Variants in MAN2A1 observed in about 807,000 individuals in gnomAD.
The protein encoded by MAN2A1 is alpha-mannosidase 2.
In MAN2A1, 76 loss-of-function variants were observed where a neutral mutation model predicts 142.6. That is an observed-to-expected ratio of 0.53 (90% CI 0.44 to 0.65). The LOEUF (loss-of-function observed/expected upper bound fraction) is 0.65. Ranked by LOEUF, MAN2A1 falls within the 30% of genes least tolerant of loss-of-function variation. The pLI is 0.00. For synonymous variants in MAN2A1, 559 were observed against 473.2 expected, an observed-to-expected ratio of 1.18 and a Z score of -2.35; for missense variants, 1,311 against 1,365.1, an observed-to-expected ratio of 0.96 and a Z score of 0.62.
intron 1 of MAN2A1, among the ~76,000 whole-genome samples, chr5:109,711,728 C>T (rs1459790308): frequency 2.0e-5 from 3 of 152,184 alleles, no homozygotes; most frequent in Non-Finnish European, 4.4e-5. Context: ...TGTGTGCTCC[C>T]TCTCTTGCCT....
chr5:109,761,299 C>G (rs1382966712), intron 5 of MAN2A1, among the ~76,000 whole-genome samples: 2 of 151,504 alleles, frequency 1.3e-5, no homozygotes, highest in Non-Finnish European at 3.0e-5. Context: ...CTTTCTTGTT[C>G]CAGATTTTTA....
At chr5:109,748,665 C>A (rs564889555) in intron 4 of MAN2A1, among the ~76,000 whole-genome samples, 8 of 152,002 alleles carry the variant, frequency 5.3e-5, no homozygotes, top group African/African-American at 1.4e-4. Flanking sequence ...CCCTAATGAA[C>A]CTGTAAGAAC....
At chr5:109,822,581 A>G (rs1754654929) in intron 15 of MAN2A1, among the ~76,000 whole-genome samples, 1 of 152,180 alleles carries the variant, frequency 6.6e-6, no homozygotes, top group African/African-American at 2.4e-5. Flanking sequence ...GTAATTAGGT[A>G]CAAGAAATTT....
chr5:109,869,034 T>C lies in MAN2A1; in HGVS notation c.*2036T>C, dbSNP rs2112456567. On this transcript the variant is annotated 3_prime_UTR_variant, in exon 22 of 22. Transcript: ENST00000261483. ...TCAGTCTGGGGTTTTATTCAGCTTG[T>C]GTTGCTACCAGCAGTTCACAGGTAA... is the stretch of plus-strand genomic sequence containing the variant. The C allele has an allele frequency of 6.6e-6, 1 of 152,358 alleles. No homozygotes were observed. The highest frequency in any genetic ancestry group is 1.5e-5 in the Non-Finnish European group (1 of 68,038). The allele number at this position is 152,358 out of a possible 1,614,324, so 9.4% of individuals were successfully genotyped here. A position where few individuals can be genotyped will look rare whatever the true frequency, so the allele number is the denominator to read the frequency against.
intron 1 of MAN2A1, among the ~76,000 whole-genome samples, chr5:109,710,394 T>C (rs954345727): frequency 1.3e-5 from 2 of 152,250 alleles, no homozygotes; most frequent in Non-Finnish European, 2.9e-5. Context: ...TTTTGCTGTG[T>C]ATATGGCTCT....
chr5:109,832,810 G>A (rs1048883758), intron 16 of MAN2A1, among the ~76,000 whole-genome samples: 2 of 151,808 alleles, frequency 1.3e-5, no homozygotes, highest in Non-Finnish European at 2.9e-5. Context: ...CTGGCTGGGT[G>A]GGGGCTGTCC....
intron 12 of MAN2A1, among the ~76,000 whole-genome samples, chr5:109,790,496 A>T (rs1753710798): frequency 1.3e-5 from 2 of 152,060 alleles, no homozygotes; most frequent in East Asian, 3.9e-4. Context: ...AGTAATACTA[A>T]TGTTCTCTGT....
At chr5:109,752,545 A>G (rs942416884) in intron 4 of MAN2A1, among the ~76,000 whole-genome samples, 3 of 148,904 alleles carry the variant, frequency 2.0e-5, no homozygotes, top group African/African-American at 7.4e-5. Context: ...AGATCTGACA[A>G]TGAACAAGGT....
At chr5:109,861,245 G>A (rs1755747379) in intron 20 of MAN2A1, among the ~76,000 whole-genome samples, 1 of 152,192 alleles carries the variant, frequency 6.6e-6, no homozygotes, top group Admixed American at 6.5e-5. Flanking sequence ...ACTTAGAACA[G>A]CATGTGGCAC....
intron 20 of MAN2A1, among the ~76,000 whole-genome samples, chr5:109,859,501 C>T (rs1341404890): frequency 6.6e-6 from 1 of 152,196 alleles, no homozygotes; most frequent in African/African-American, 2.4e-5. Context: ...CAAACTTACC[C>T]ATTAGCTTTC....
intron 16 of MAN2A1, among the ~76,000 whole-genome samples, chr5:109,837,498 C>T (rs1434133631): frequency 6.6e-6 from 1 of 152,136 alleles, no homozygotes; most frequent in Non-Finnish European, 1.5e-5. Context: ...GCCAGTGAGA[C>T]ATGATGATGT....
At position 109,749,995 on chromosome 5, in the gene MAN2A1, G is replaced by C. The variant is rs1043712968; in HGVS notation, c.708-5334G>C. On this transcript the variant is annotated intron_variant, in intron 4 of 21. Transcript: ENST00000261483. ...CACTAACAACAGTGGCTTTAAGTAT[G>C]GTCCTTTTTTAGGTTAACATAGCTT... is the stretch of plus-strand genomic sequence containing the variant. Among the ~76,000 whole-genome samples the C allele has an allele frequency of 9.2e-5, 14 of 151,852 alleles. 1 individual carries two copies. Among genetic ancestry groups the C allele is most frequent in the African/African-American group, 3.1e-4 (13 of 41,364 alleles).
At chr5:109,801,135 G>C (rs923414489) in intron 12 of MAN2A1, among the ~76,000 whole-genome samples, 4 of 152,140 alleles carry the variant, frequency 2.6e-5, no homozygotes, top group Admixed American at 6.5e-5. Context: ...TTATTCTTAT[G>C]GACAAGTTTC....
intron 6 of MAN2A1, among the ~76,000 whole-genome samples, chr5:109,769,566 A>T (rs930930854): frequency 6.6e-6 from 1 of 152,230 alleles, no homozygotes; most frequent in Non-Finnish European, 1.5e-5. Context: ...TAGGTCCTCC[A>T]GTCTCACTTG....
At chr5:109,839,669 T>TAA (rs1301158248) in intron 16 of MAN2A1, among the ~76,000 whole-genome samples, 1 of 148,968 alleles carries the variant, frequency 6.7e-6, no homozygotes, top group Non-Finnish European at 1.5e-5. Flanking sequence ...TTTTTTTTTT[T>TAA]AAATAACATT....
intron 1 of MAN2A1, chr5:109,699,624 CA>C (rs1365767802): frequency 2.0e-5 from 3 of 152,704 alleles, no homozygotes; most frequent in Admixed American, 1.3e-4. Context: ...GAGGTTCCAG[CA>C]GGGGAGTGCA....
chr5:109,700,185 G>C (rs1451543171), intron 1 of MAN2A1, among the ~76,000 whole-genome samples: 1 of 151,646 alleles, frequency 6.6e-6, no homozygotes, highest in Non-Finnish European at 1.5e-5. Flanking sequence ...CCTGTCTCTT[G>C]AATCTCATTA....
chr5:109,797,354 AAAAATG>A lies in MAN2A1; in HGVS notation c.1943+7839_1943+7844del, dbSNP rs540125070. Among the ~76,000 whole-genome samples, 237 of 152,298 alleles carry A rather than the reference AAAAATG, an allele frequency of 1.6e-3. 2 individuals carry two copies. Among genetic ancestry groups the A allele is most frequent in the African/African-American group, 5.4e-3 (226 of 41,572 alleles). ...GAAACACTGAAACAAAAAGATGACAAAAAATGAAAATGAAAATATTTGGAAGAGGAG... is the reference window on the plus strand; with the variant it reads ...GAAACACTGAAACAAAAAGATGACAAAAAATGAAAATATTTGGAAGAGGAG... On this transcript the variant is annotated intron_variant, in intron 12 of 21. Transcript: ENST00000261483.
intron 1 of MAN2A1, among the ~76,000 whole-genome samples, chr5:109,697,328 TAAG>T (rs1750843313): frequency 6.6e-6 from 1 of 152,174 alleles, no homozygotes; most frequent in African/African-American, 2.4e-5. Flanking sequence ...AACTGGAAAA[TAAG>T]GAGAGTGGAT....
Sources: allele counts gnomAD v4.1 joint callset (sites outside exome capture counted in the v4.1 genomes callset), GRCh38; gene constraint gnomAD v4.1.1; transcripts MANE v1.5; gene names NCBI Gene and HGNC (gene_info 2026-07-23, HGNC 2026-07-21).